Variants in MON1B observed in about 807,000 individuals in gnomAD.
MON1B encodes the protein MON1 vesicular trafficking associated B, also known as vacuolar fusion protein MON1 homolog B.
A neutral mutation model predicts 45.1 loss-of-function variants in MON1B; 26 were observed. That is an observed-to-expected ratio of 0.58 (90% CI 0.42 to 0.80). The LOEUF is 0.80. Ranked by LOEUF, MON1B falls within the 30% of genes least tolerant of loss-of-function variation. MON1B has a pLI of 0.00. For missense variants in MON1B, 737 were observed against 754.5 expected (o/e 0.98, Z 0.27); for synonymous variants, 395 against 320.2 (o/e 1.23, Z -2.49).
Position 77,199,042 on chromosome 16 carries a change from C to T in MON1B, c.*734C>T, listed in dbSNP as rs1446176432. The stretch of plus-strand genomic sequence containing the variant: ...GAAACAGAGATAAGTAACCCTCTCT[C>T]ATGAACTCTTTGATGAGGATTTGTA... On this transcript the variant is annotated 3_prime_UTR_variant, in exon 6 of 6. Transcript: ENST00000248248. The T allele has an allele frequency of 1.7e-5, 3 of 177,614 alleles. No homozygotes were observed. The highest frequency in any genetic ancestry group is 1.2e-5 in the Non-Finnish European group (1 of 84,288). The allele number at this position is 177,614 out of a possible 1,614,324, so 11.0% of individuals were successfully genotyped here.
At position 77,201,000 on chromosome 16, in the gene MON1B, A is replaced by G. The variant is rs2054736305; in HGVS notation, c.*2692A>G. The G allele has an allele frequency of 6.6e-6, 1 of 152,150 alleles. No individual in the cohort carries two copies. The highest frequency in any genetic ancestry group is 2.1e-4 in the South Asian group (1 of 4,834). 9.4% of individuals were successfully genotyped at this position (152,150 alleles called of 1,614,324 possible). A position where few individuals can be genotyped will look rare whatever the true frequency, so the allele number is the denominator to read the frequency against. On this transcript the variant is annotated 3_prime_UTR_variant, in exon 6 of 6. Coordinates refer to ENST00000248248, the MANE Select transcript of MON1B (RefSeq NM_014940.4). Reference sequence around the variant, plus strand: ...ACCACTGTATTAACAAACACATTAGACTGCATCCTGCCAGACCTACCCATA... The same window carrying G: ...ACCACTGTATTAACAAACACATTAGGCTGCATCCTGCCAGACCTACCCATA...
In MON1B at chr16:77,191,309, G is replaced by A. The variant is rs915086523; in HGVS notation, c.-11+51G>A. ...GGCCCAGTAGAGTCTCCTCTTTTCG[G>A]AAAGTGTTGGAGGGGGGACGTATTT... On this transcript the variant is annotated intron_variant, in intron 1 of 5. Transcript: ENST00000248248. The A allele has an allele frequency of 2.6e-6, 4 of 1,529,554 alleles. No homozygotes were observed. The South Asian group carries it at 4.8e-5, about 18-fold the overall frequency. 94.7% of individuals were successfully genotyped at this position (1,529,554 alleles called of 1,614,324 possible). A position where few individuals can be genotyped will look rare whatever the true frequency, so the allele number is the denominator to read the frequency against.
At position 77,193,889 on chromosome 16, in the gene MON1B, G is replaced by T. The variant is rs2054637516; in HGVS notation, c.475+112G>T. On this transcript the variant is annotated intron_variant, in intron 3 of 5. Coordinates refer to ENST00000248248, the MANE Select transcript of MON1B (RefSeq NM_014940.4). The surrounding 1 kb of genome is among the most constrained non-coding windows in gnomAD (Gnocchi z 5.0). ...CAGCCAGCCAGGGTTGGGTCCATGT[G>T]TGTGGATGGTCAGCCAGAGCTCTGT... The T allele has an allele frequency of 1.8e-6, 2 of 1,112,764 alleles. No homozygotes were observed. The highest frequency in any genetic ancestry group is 5.2e-5 in the East Asian group (2 of 38,702). 68.9% of individuals were successfully genotyped at this position (1,112,764 alleles called of 1,614,324 possible).
chr16:77,197,982 G>C, intron 5 of MON1B, 126 bp from the exon 6 acceptor site: 3 of 912,380 alleles, frequency 3.3e-6, no homozygotes, highest in Non-Finnish European at 5.2e-6. Flanking sequence ...GGCAGCACCT[G>C]GTAGGAGGTG....
chr16:77,198,412 T>C lies in MON1B; in HGVS notation c.*104T>C. Reference sequence around the variant, plus strand: ...GTGGGGGTGTGTCTGTGGCCAGTCATTGTCTCCCTAAGCAATGGGGCAAGG... The same window carrying C: ...GTGGGGGTGTGTCTGTGGCCAGTCACTGTCTCCCTAAGCAATGGGGCAAGG... On this transcript the variant is annotated 3_prime_UTR_variant, in exon 6 of 6. Transcript: ENST00000248248. 1.5e-6 allele frequency: 2 copies of C among 1,315,904 alleles called. No homozygotes were observed. The highest frequency in any genetic ancestry group is 2.1e-6 in the Non-Finnish European group (2 of 932,846). 81.5% of individuals were successfully genotyped at this position (1,315,904 alleles called of 1,614,324 possible).
rs960586415 is a variant in MON1B at position 77,201,624 on chromosome 16, G to A, written c.*3316G>A. On this transcript the variant is annotated 3_prime_UTR_variant, in exon 6 of 6. Coordinates refer to ENST00000248248, the MANE Select transcript of MON1B (RefSeq NM_014940.4). Reference sequence around the variant, plus strand: ...ATGCGATGTAATCAAAGGAGAATACGTAAGTGTATGGACCAGGAATGGTCA... The same window carrying A: ...ATGCGATGTAATCAAAGGAGAATACATAAGTGTATGGACCAGGAATGGTCA... The A allele has an allele frequency of 6.6e-6, 1 of 152,162 alleles. No homozygotes were observed. Among genetic ancestry groups the A allele is most frequent in the African/African-American group, 2.4e-5 (1 of 41,436 alleles). 9.4% of individuals were successfully genotyped at this position (152,162 alleles called of 1,614,324 possible). A position where few individuals can be genotyped will look rare whatever the true frequency, so the allele number is the denominator to read the frequency against.
Position 77,199,491 on chromosome 16 carries a change from G to A in MON1B, c.*1183G>A, listed in dbSNP as rs1335925780. ...GAAACCTCTGAATGTGGAGGCGCCA[G>A]AAGCTACTGAGGAGGCTGAAGGTAG... On this transcript the variant is annotated 3_prime_UTR_variant, in exon 6 of 6. Coordinates refer to ENST00000248248, the MANE Select transcript of MON1B (RefSeq NM_014940.4). 11 of 1,551,384 alleles carry A rather than the reference G, an allele frequency of 7.1e-6. No homozygotes were observed. The Admixed American group carries it at 2.2e-4, about 30-fold the overall frequency.
chr16:77,200,565 G>T lies in MON1B; in HGVS notation c.*2257G>T, dbSNP rs535978218. 6.6e-6 allele frequency: 1 copy of T among 151,838 alleles called. No homozygotes were observed. The allele number at this position is 151,838 out of a possible 1,614,324, so 9.4% of individuals were successfully genotyped here. ...GAGGTCAGGAGTTTGAGACCAGCCT[G>T]GCCAGCATGGCGAAACCTCGTCTCT... On this transcript the variant is annotated 3_prime_UTR_variant, in exon 6 of 6. Transcript: ENST00000248248.
Position 77,198,097 on chromosome 16 carries a change from G to A in MON1B, c.1444-11G>A, listed in dbSNP as rs777288220. ...TGGCCCATCTGACTCTGTCTCCTCC[G>A]AAACCCCCAGGTGACCTCCAAATTC... On this transcript the variant is annotated splice_polypyrimidine_tract_variant and intron_variant, in intron 5 of 5. Transcript: ENST00000248248. The A allele has an allele frequency of 6.9e-5, 111 of 1,613,476 alleles. No individual in the cohort carries two copies. Among genetic ancestry groups the A allele is most frequent in the Non-Finnish European group, 8.1e-5 (96 of 1,179,784 alleles).
In MON1B at chr16:77,194,238, T is replaced by A. The variant is rs879542615; in HGVS notation, c.476-97T>A. The A allele has an allele frequency of 8.2e-6, 9 of 1,094,902 alleles. No homozygotes were observed. In the African/African-American group the frequency reaches 1.4e-4, roughly 17 times the overall value. 67.8% of individuals were successfully genotyped at this position (1,094,902 alleles called of 1,614,324 possible). A position where few individuals can be genotyped will look rare whatever the true frequency, so the allele number is the denominator to read the frequency against. On this transcript the variant is annotated intron_variant, in intron 3 of 5. Coordinates refer to ENST00000248248, the MANE Select transcript of MON1B (RefSeq NM_014940.4). This position sits in a 1 kb window ranked among gnomAD's most constrained non-coding sequence, Gnocchi z 8.1. ...AGTGAGCATGTGGACTCGGGCCTGG[T>A]GTGTGTATGGTAGGAGAGGGCAGAA... is the stretch of plus-strand genomic sequence containing the variant.
chr16:77,201,894 A>T lies in MON1B; in HGVS notation c.*3586A>T, dbSNP rs951123736. 1.3e-5 allele frequency: 2 copies of T among 152,184 alleles called. No homozygotes were observed. Among genetic ancestry groups the T allele is most frequent in the Non-Finnish European group, 2.9e-5 (2 of 68,030 alleles). 9.4% of individuals were successfully genotyped at this position (152,184 alleles called of 1,614,324 possible). ...AGAGATCGTATTTTTATTAGAGACA[A>T]GCCAGTTGGGATTGAAACAAAAATG... is the stretch of plus-strand genomic sequence containing the variant. On this transcript the variant is annotated 3_prime_UTR_variant, in exon 6 of 6. Coordinates refer to ENST00000248248, the MANE Select transcript of MON1B (RefSeq NM_014940.4).
chr16:77,198,085 T>C (rs778351832), intron 5 of MON1B, 23 bp from the exon 6 acceptor site: 8 of 1,610,580 alleles, frequency 5.0e-6, no homozygotes, highest in Admixed American at 3.3e-5. Context: ...CCCATCTGAC[T>C]CTGTCTCCTC....
chr16:77,193,401 G>A lies in MON1B; in HGVS notation c.149-50G>A. 6.7e-7 allele frequency: 1 copy of A among 1,491,380 alleles called. No individual in the cohort carries two copies. The highest frequency in any genetic ancestry group is 9.0e-7 in the Non-Finnish European group (1 of 1,109,160). 92.4% of individuals were successfully genotyped at this position (1,491,380 alleles called of 1,614,324 possible). ...ATTTGGTGGGTCCTTGGGGATGTGG[G>A]ATTAGTTAGGAGTTCACATGCAGAT... On this transcript the variant is annotated intron_variant, in intron 2 of 5. Transcript: ENST00000248248. The surrounding 1 kb of genome is among the most constrained non-coding windows in gnomAD (Gnocchi z 5.0).
rs1300072456 is a variant in MON1B at position 77,198,127 on chromosome 16, T to C, written c.1463T>C (p.Leu488Pro). 1.2e-6 allele frequency: 2 copies of C among 1,614,056 alleles called. No homozygotes were observed. Among genetic ancestry groups the C allele is most frequent in the South Asian group, 1.1e-5 (1 of 91,078 alleles). The stretch of plus-strand genomic sequence containing the variant: ...CCCCAGGTGACCTCCAAATTCGAGC[T>C]CTATACCTGCCTCAGCCCTCTGGTG... ...LLAWVTSKFE[L>P]YTCLSPLVTK... Residue 488 changes from leucine to proline, a missense_variant, in exon 6 of 6, where the codon CTC becomes CCC. Coordinates refer to ENST00000248248, the MANE Select transcript of MON1B (RefSeq NM_014940.4).
At position 77,199,271 on chromosome 16, in the gene MON1B, G is replaced by A. The variant is rs11640619; in HGVS notation, c.*963G>A. ...GTGGAGTTACAGCCTCAAGGTTGTA[G>A]CATGTGTGCTGGCAATCAGGGCCGC... On this transcript the variant is annotated 3_prime_UTR_variant, in exon 6 of 6. Coordinates refer to ENST00000248248, the MANE Select transcript of MON1B (RefSeq NM_014940.4). 0.026 allele frequency: 15,476 copies of A among 605,984 alleles called. 289 individuals carry two copies. Among genetic ancestry groups the A allele is most frequent in the African/African-American group, 0.048 (2,567 of 53,118 alleles). The allele number at this position is 605,984 out of a possible 1,614,324, so 37.5% of individuals were successfully genotyped here.
Position 77,198,369 on chromosome 16 carries a change from T to C in MON1B, c.*61T>C. On this transcript the variant is annotated 3_prime_UTR_variant, in exon 6 of 6. Transcript: ENST00000248248. ...AACCACCTTTGTTTTTTACCTTCTG[T>C]CTACCCTGGAAATGTGTGTGGGGGT... The C allele has an allele frequency of 1.3e-6, 2 of 1,533,348 alleles. No homozygotes were observed. The highest frequency in any genetic ancestry group is 1.7e-5 in the Admixed American group (1 of 59,634). The allele number at this position is 1,533,348 out of a possible 1,614,324, so 95.0% of individuals were successfully genotyped here.
chr16:77,200,238 A>C lies in MON1B; in HGVS notation c.*1930A>C, dbSNP rs940694466. 13 of 135,998 alleles carry C rather than the reference A, an allele frequency of 9.6e-5. No individual in the cohort carries two copies. The highest frequency in any genetic ancestry group is 3.6e-4 in the African/African-American group (13 of 36,410). The allele number at this position is 135,998 out of a possible 1,614,324, so 8.4% of individuals were successfully genotyped here. ...TGTATGTATGTATGTGTGTGTATAT[A>C]TATATATATGTATATGTGTATATAT... On this transcript the variant is annotated 3_prime_UTR_variant, in exon 6 of 6. Coordinates refer to ENST00000248248, the MANE Select transcript of MON1B (RefSeq NM_014940.4).
In MON1B at chr16:77,199,490, A is replaced by G. The variant is rs893942225; in HGVS notation, c.*1182A>G. On this transcript the variant is annotated 3_prime_UTR_variant, in exon 6 of 6. Coordinates refer to ENST00000248248, the MANE Select transcript of MON1B (RefSeq NM_014940.4). ...TGAAACCTCTGAATGTGGAGGCGCC[A>G]GAAGCTACTGAGGAGGCTGAAGGTA... 12 of 1,551,492 alleles carry G rather than the reference A, an allele frequency of 7.7e-6. No homozygotes were observed. Among genetic ancestry groups the G allele is most frequent in the Non-Finnish European group, 9.6e-6 (11 of 1,146,960 alleles).
rs2054733605 is a variant in MON1B at position 77,200,812 on chromosome 16, A to ATAGAAATATTTTTTTTT, written c.*2505_*2506insAGAAATATTTTTTTTTT. On this transcript the variant is annotated 3_prime_UTR_variant, in exon 6 of 6. Coordinates refer to ENST00000248248, the MANE Select transcript of MON1B (RefSeq NM_014940.4). ...TCTCCCAAGGCAGTCATGCATTTGT[A>ATAGAAATATTTTTTTTT]TGCCACTAGCATTTTTTTGTTATAG... is the stretch of plus-strand genomic sequence containing the variant. 2 of 151,778 alleles carry ATAGAAATATTTTTTTTT rather than the reference A, an allele frequency of 1.3e-5. No individual in the cohort carries two copies. The highest frequency in any genetic ancestry group is 4.1e-4 in the South Asian group (2 of 4,826). 9.4% of individuals were successfully genotyped at this position (151,778 alleles called of 1,614,324 possible).
Sources: gnomAD v4.1 joint callset for allele counts on GRCh38, gnomAD v4.1.1 for gene constraint, Gnocchi (gnomAD v3.1) non-coding constraint, MANE v1.5 for transcripts, NCBI Gene and HGNC (gene_info 2026-07-23, HGNC 2026-07-21) for gene names.